The following L3MBTL4 variants were observed in gnomAD, a reference collection of about 807,000 sequenced individuals.
L3MBTL4 encodes L3MBTL histone methyl-lysine binding protein 4.
Under a neutral mutation model 84.5 loss-of-function variants are expected in L3MBTL4, and 70 were observed. The ratio of observed to expected loss-of-function variants is 0.83; its 90% CI spans 0.68 to 1.01. L3MBTL4 has a LOEUF of 1.01. L3MBTL4 is among the 50% of genes least tolerant of loss of function. The pLI, the probability that L3MBTL4 is intolerant of heterozygous loss-of-function variation, is 0.00. For missense variants in L3MBTL4, 715 were observed against 754.8 expected, an observed-to-expected ratio of 0.95 and a Z score of 0.62; for synonymous variants, 274 against 259.8, an observed-to-expected ratio of 1.05 and a Z score of -0.52.
At chr18:6,106,096 G>A (rs539673885) in intron 14 of L3MBTL4, among the ~76,000 whole-genome samples, 79 of 152,246 alleles carry the variant, frequency 5.2e-4, no homozygotes, top group African/African-American at 1.8e-3. Flanking sequence ...GAAGGAACTG[G>A]GGTACAGAGG....
intron 1 of L3MBTL4, among the ~76,000 whole-genome samples, chr18:6,339,438 C>T (rs1050933953): frequency 6.6e-6 from 1 of 152,130 alleles, no homozygotes; most frequent in Non-Finnish European, 1.5e-5. Context: ...AAAATAGCTT[C>T]AACTGAATAA....
At chr18:6,400,514 A>G (rs1407471257) in intron 1 of L3MBTL4, among the ~76,000 whole-genome samples, 1 of 152,100 alleles carries the variant, frequency 6.6e-6, no homozygotes, top group Non-Finnish European at 1.5e-5. Flanking sequence ...GGCTCAGATG[A>G]TCCTCCCACT....
intron 13 of L3MBTL4, among the ~76,000 whole-genome samples, chr18:6,146,511 C>T (rs1288711186): frequency 2.0e-5 from 3 of 152,174 alleles, no homozygotes; most frequent in Non-Finnish European, 2.9e-5. Context: ...TGCACCTGGC[C>T]GCTGGGTTTC....
At chr18:6,355,272 T>C (rs2053387284) in intron 1 of L3MBTL4, among the ~76,000 whole-genome samples, 1 of 152,226 alleles carries the variant, frequency 6.6e-6, no homozygotes, top group Admixed American at 6.5e-5. Flanking sequence ...ATTGCATGCC[T>C]GTATCAAAAC....
At chr18:6,192,486 G>A (rs1217077460) in intron 12 of L3MBTL4, among the ~76,000 whole-genome samples, 1 of 152,072 alleles carries the variant, frequency 6.6e-6, no homozygotes, top group African/African-American at 2.4e-5. Flanking sequence ...AGCGGGTGGT[G>A]CTGGCAATAT....
At chr18:6,284,968 G>C (rs911152263) in intron 4 of L3MBTL4, among the ~76,000 whole-genome samples, 1 of 152,254 alleles carries the variant, frequency 6.6e-6, no homozygotes. Context: ...GCCTGGCATG[G>C]GCGGGGGCGG....
chr18:6,353,209 A>G (rs2053279975), intron 1 of L3MBTL4, among the ~76,000 whole-genome samples: 1 of 152,014 alleles, frequency 6.6e-6, no homozygotes, highest in Non-Finnish European at 1.5e-5. Flanking sequence ...ATACAAATCA[A>G]CGCAACTCAC....
intron 16 of L3MBTL4, among the ~76,000 whole-genome samples, chr18:6,065,005 T>C (rs2057354530): frequency 6.6e-6 from 1 of 152,088 alleles, no homozygotes; most frequent in Non-Finnish European, 1.5e-5. Context: ...ATGGCTTTTG[T>C]TATTTTGAGG....
At chr18:6,098,418 G>A (rs1253940032) in intron 14 of L3MBTL4, among the ~76,000 whole-genome samples, 3 of 152,154 alleles carry the variant, frequency 2.0e-5, no homozygotes, top group African/African-American at 7.2e-5. Flanking sequence ...TTTTTTCTCT[G>A]TGACGTGACA....
intron 1 of L3MBTL4, among the ~76,000 whole-genome samples, chr18:6,391,930 A>C (rs978047642): frequency 6.6e-6 from 1 of 152,198 alleles, no homozygotes; most frequent in African/African-American, 2.4e-5. Context: ...CATACTGCCC[A>C]AAGTACAAAT....
intron 15 of L3MBTL4, among the ~76,000 whole-genome samples, chr18:6,090,623 CAT>C (rs964793952): frequency 1.9e-4 from 23 of 122,548 alleles, no homozygotes; most frequent in Admixed American, 4.8e-4. Flanking sequence ...CACACACACA[CAT>C]ATATTTCTTT....
At chr18:6,316,174 G>A (rs1241384208) in intron 1 of L3MBTL4, among the ~76,000 whole-genome samples, 2 of 152,004 alleles carry the variant, frequency 1.3e-5, no homozygotes, top group African/African-American at 2.4e-5. Flanking sequence ...AGCTAGTGCC[G>A]GTGCCTACTG....
intron 16 of L3MBTL4, among the ~76,000 whole-genome samples, chr18:6,068,913 G>T (rs940447298): frequency 6.6e-6 from 1 of 152,166 alleles, no homozygotes; most frequent in Admixed American, 6.5e-5. Context: ...TTGATGTGAT[G>T]CTCTCCCCCT....
intron 13 of L3MBTL4, among the ~76,000 whole-genome samples, chr18:6,166,724 C>A (rs1377110504): frequency 6.6e-6 from 1 of 151,854 alleles, no homozygotes; most frequent in Non-Finnish European, 1.5e-5. Flanking sequence ...CAAGAGAAAG[C>A]AGGAAAGATC....
At chr18:6,086,955 G>A (rs1245978776) in intron 15 of L3MBTL4, among the ~76,000 whole-genome samples, 1 of 152,106 alleles carries the variant, frequency 6.6e-6, no homozygotes, top group Non-Finnish European at 1.5e-5. Flanking sequence ...GAGCGAATCA[G>A]CATGCCTACT....
At chr18:6,056,637 G>A (rs1428249282) in intron 16 of L3MBTL4, among the ~76,000 whole-genome samples, 4 of 152,174 alleles carry the variant, frequency 2.6e-5, no homozygotes, top group Admixed American at 6.5e-5. Context: ...GCCACAAAGC[G>A]AGTTTGTGGC....
At chr18:6,200,648 A>G (rs773743154) in intron 12 of L3MBTL4, among the ~76,000 whole-genome samples, 1 of 152,136 alleles carries the variant, frequency 6.6e-6, no homozygotes, top group African/African-American at 2.4e-5. Flanking sequence ...CACTATTACA[A>G]TTCTGCCATG....
At chr18:6,172,747 C>A (rs1039164236) in intron 12 of L3MBTL4, among the ~76,000 whole-genome samples, 1 of 152,010 alleles carries the variant, frequency 6.6e-6, no homozygotes, top group African/African-American at 2.4e-5. Flanking sequence ...ATAATTATTT[C>A]TTTTAAAAAA....
intron 13 of L3MBTL4, among the ~76,000 whole-genome samples, chr18:6,143,014 A>T (rs964794478): frequency 2.6e-5 from 4 of 152,240 alleles, no homozygotes; most frequent in African/African-American, 9.6e-5. Context: ...CTCACAATAC[A>T]TTATGCAAGC....
Sources: allele counts gnomAD v4.1 joint callset (sites outside exome capture counted in the v4.1 genomes callset), GRCh38; gene constraint gnomAD v4.1.1; transcripts MANE v1.5; gene names NCBI Gene and HGNC (gene_info 2026-07-23, HGNC 2026-07-21).